Variants in KCNH5 observed in about 807,000 individuals in gnomAD.
KCNH5 encodes voltage-gated delayed rectifier potassium channel KCNH5.
KCNH5 carries 46 observed loss-of-function variants against 96.1 expected under a neutral mutation model. The ratio of observed to expected loss-of-function variants is 0.48; its 90% confidence interval spans 0.38 to 0.61. The LOEUF is 0.61. KCNH5 is among the 20% of genes least tolerant of loss of function. KCNH5 has a pLI of 0.00. For synonymous variants in KCNH5, 439 were observed against 449.8 expected (o/e 0.98, Z 0.30); for missense variants, 907 against 1,225.8 (o/e 0.74, Z 3.88).
chr14:62,762,705 A>AAAAC (rs895016596), intron 10 of KCNH5, among the ~76,000 whole-genome samples: 4 of 152,168 alleles, frequency 2.6e-5, no homozygotes, highest in African/African-American at 4.8e-5. Context: ...AAGCAAATGG[A>AAAAC]AAACAAACAA....
At chr14:62,789,999 T>C (rs530990820) in intron 9 of KCNH5, among the ~76,000 whole-genome samples, 2 of 151,976 alleles carry the variant, frequency 1.3e-5, no homozygotes, top group Non-Finnish European at 3.0e-5. Flanking sequence ...AGGTGTTTTT[T>C]CCTGTATGTT....
intron 6 of KCNH5, among the ~76,000 whole-genome samples, chr14:62,953,342 T>C (rs370790976): frequency 5.9e-5 from 9 of 152,234 alleles, no homozygotes; most frequent in African/African-American, 1.9e-4. Context: ...AGGATTCTCA[T>C]GATTGCCCTC....
intron 7 of KCNH5, among the ~76,000 whole-genome samples, chr14:62,857,140 G>A (rs1037339009): frequency 1.3e-5 from 2 of 152,034 alleles, no homozygotes; most frequent in Admixed American, 1.3e-4. Context: ...ACATGGCAAT[G>A]ACTATTGATA....
At chr14:62,726,409 C>G (rs1239518577) in intron 10 of KCNH5, among the ~76,000 whole-genome samples, 1 of 151,392 alleles carries the variant, frequency 6.6e-6, no homozygotes, top group African/African-American at 2.4e-5. Context: ...CCGATAAAAA[C>G]TCATATCCAG....
At chr14:62,721,435 T>C (rs909059158) in intron 10 of KCNH5, among the ~76,000 whole-genome samples, 2 of 152,180 alleles carry the variant, frequency 1.3e-5, no homozygotes, top group African/African-American at 4.8e-5. Flanking sequence ...TATAATTCTC[T>C]GGTCTGATTT....
chr14:62,797,728 T>G (rs1366148171), intron 9 of KCNH5, among the ~76,000 whole-genome samples: 2 of 152,070 alleles, frequency 1.3e-5, no homozygotes, highest in Non-Finnish European at 2.9e-5. Flanking sequence ...AATTTTTTTT[T>G]TTTTTGAGAC....
intron 8 of KCNH5, among the ~76,000 whole-genome samples, chr14:62,810,313 A>T (rs1886847237): frequency 1.3e-5 from 2 of 152,018 alleles, no homozygotes. Context: ...GACATTACAG[A>T]AGGTGGATCT....
At chr14:62,849,080 G>A (rs571881015) in intron 8 of KCNH5, among the ~76,000 whole-genome samples, 3 of 152,244 alleles carry the variant, frequency 2.0e-5, no homozygotes, top group African/African-American at 4.8e-5. Context: ...CCATGAAAAG[G>A]CAAGGAAGAG....
chr14:62,777,357 G>A (rs1340975231), intron 10 of KCNH5, among the ~76,000 whole-genome samples: 4 of 152,160 alleles, frequency 2.6e-5, no homozygotes, highest in South Asian at 2.1e-4. Context: ...GAAACTTAAC[G>A]TCTTCATGGG....
At chr14:62,871,802 G>A (rs958606206) in intron 7 of KCNH5, among the ~76,000 whole-genome samples, 1 of 152,138 alleles carries the variant, frequency 6.6e-6, no homozygotes, top group Non-Finnish European at 1.5e-5. Flanking sequence ...AGTGTGGTAG[G>A]CAAGGATTGG....
intron 8 of KCNH5, among the ~76,000 whole-genome samples, chr14:62,820,691 T>C (rs1273617289): frequency 6.6e-6 from 1 of 152,198 alleles, no homozygotes; most frequent in African/African-American, 2.4e-5. Flanking sequence ...TATGGTTGCA[T>C]AGTATTTCAT....
chr14:63,013,707 G>A (rs1243237955), intron 2 of KCNH5, among the ~76,000 whole-genome samples: 1 of 152,060 alleles, frequency 6.6e-6, no homozygotes, highest in East Asian at 1.9e-4. Flanking sequence ...TAAACTGCTT[G>A]GGGGGTGCTT....
intron 8 of KCNH5, among the ~76,000 whole-genome samples, chr14:62,846,789 C>CT (rs766919022): frequency 0.025 from 1,671 of 67,470 alleles, 609 homozygotes; most frequent in African/African-American, 0.046. Context: ...TGTATTGTAT[C>CT]TTTTTTTTTT....
chr14:63,028,188 T>C (rs1717948731), intron 1 of KCNH5, among the ~76,000 whole-genome samples: 1 of 152,106 alleles, frequency 6.6e-6, no homozygotes, highest in African/African-American at 2.4e-5. Context: ...AACTATTTCA[T>C]ATGAACTCTG....
intron 7 of KCNH5, among the ~76,000 whole-genome samples, chr14:62,865,772 T>A (rs571967083): frequency 6.6e-6 from 1 of 152,218 alleles, no homozygotes; most frequent in Non-Finnish European, 1.5e-5. Flanking sequence ...TTTCGAGGAA[T>A]TGTGTATTTC....
chr14:62,730,983 AATTAT>A (rs1274652356), intron 10 of KCNH5, among the ~76,000 whole-genome samples: 1 of 152,148 alleles, frequency 6.6e-6, no homozygotes, highest in African/African-American at 2.4e-5. Context: ...GGATATTGAA[AATTAT>A]AATTGGCTAC....
rs1030669695 is a variant in KCNH5, at chr14:62,976,519, T to C, written c.942+4353A>G. Among the ~76,000 whole-genome samples, 9 of 151,506 alleles carry C rather than the reference T, an allele frequency of 5.9e-5. No homozygotes were observed. The East Asian group carries it at 1.7e-3, about 29-fold the overall frequency. On this transcript the variant is annotated intron_variant, in intron 6 of 10. Transcript: ENST00000322893. Reference sequence around the variant, plus strand: ...GTCAGAGGGCTGGAGAAAATCATAATAGGAAAAAATATCAAGACAGTAGTC... The same window carrying C: ...GTCAGAGGGCTGGAGAAAATCATAACAGGAAAAAATATCAAGACAGTAGTC...
chr14:62,864,465 AGGC>A (rs2140059882), intron 7 of KCNH5, among the ~76,000 whole-genome samples: 1 of 121,942 alleles, frequency 8.2e-6, no homozygotes, highest in Admixed American at 9.7e-5. Context: ...AGCTGACCTG[AGGC>A]TTTAAAATGG....
intron 4 of KCNH5, among the ~76,000 whole-genome samples, chr14:62,997,346 T>G (rs1223530999): frequency 6.6e-6 from 1 of 152,124 alleles, no homozygotes; most frequent in Non-Finnish European, 1.5e-5. Flanking sequence ...ATTATAGGCT[T>G]TATATAGATG....
Sources: gnomAD v4.1 joint callset for allele counts (sites outside exome capture counted in the v4.1 genomes callset) on GRCh38, gnomAD v4.1.1 for gene constraint, MANE v1.5 for transcripts, NCBI Gene and HGNC (gene_info 2026-07-23, HGNC 2026-07-21) for gene names.